The following PRKAG2 variants were observed in gnomAD, a reference collection of about 807,000 sequenced individuals.
PRKAG2 encodes protein kinase AMP-activated non-catalytic subunit gamma 2, also known as 5'-AMP-activated protein kinase subunit gamma-2.
PRKAG2 carries 26 observed loss-of-function variants against 69.6 expected under a neutral mutation model. That is an observed-to-expected ratio of 0.37 (90% CI 0.27 to 0.52). The LOEUF (loss-of-function observed/expected upper bound fraction) is 0.52, where lower values mean the gene tolerates loss of function less well. Ranked by LOEUF, PRKAG2 falls within the 20% of genes least tolerant of loss-of-function variation. The pLI is 0.90. For missense variants in PRKAG2, 557 were observed against 740.0 expected (o/e 0.75, Z 2.87); for synonymous variants, 293 against 285.0 (o/e 1.03, Z -0.28).
intron 3 of PRKAG2, among the ~76,000 whole-genome samples, chr7:151,726,371 G>GACACACGC (rs1797948765): frequency 6.7e-6 from 1 of 148,284 alleles, no homozygotes; most frequent in South Asian, 2.2e-4. Flanking sequence ...AGGGAGGCAG[G>GACACACGC]ACACACACAC....
intron 3 of PRKAG2, among the ~76,000 whole-genome samples, chr7:151,734,865 T>TTG (rs1455166561): frequency 7.6e-5 from 11 of 145,276 alleles, no homozygotes; most frequent in African/African-American, 2.6e-4. Flanking sequence ...TTTTTTTTTT[T>TTG]TTTTTTTGAG....
intron 1 of PRKAG2, among the ~76,000 whole-genome samples, chr7:151,851,342 A>C (rs1180104646): frequency 1.5e-5 from 2 of 137,544 alleles, no homozygotes; most frequent in Non-Finnish European, 3.1e-5. Flanking sequence ...GGCCTCTGGC[A>C]AAAAAAAAAA....
At chr7:151,831,526 G>A (rs953547319) in intron 1 of PRKAG2, among the ~76,000 whole-genome samples, 2 of 152,196 alleles carry the variant, frequency 1.3e-5, no homozygotes, top group Admixed American at 1.3e-4. Context: ...CCAAGAGGTG[G>A]CCCATTAAAG....
intron 1 of PRKAG2, among the ~76,000 whole-genome samples, chr7:151,834,270 G>T (rs2079098997): frequency 6.6e-6 from 1 of 152,216 alleles, no homozygotes; most frequent in African/African-American, 2.4e-5. Context: ...AAGGGAATGA[G>T]AAAGTACACC....
intron 6 of PRKAG2, among the ~76,000 whole-genome samples, chr7:151,590,518 C>A (rs921271504): frequency 1.3e-4 from 20 of 152,210 alleles, no homozygotes; most frequent in Non-Finnish European, 2.8e-4. Flanking sequence ...TCGGGAGTTC[C>A]TCCGAGCCTC....
intron 3 of PRKAG2, among the ~76,000 whole-genome samples, chr7:151,683,402 C>T (rs1453278859): frequency 2.6e-5 from 4 of 152,190 alleles, no homozygotes; most frequent in Non-Finnish European, 5.9e-5. Context: ...ACAAATCCAC[C>T]CCTTGCCTTG....
chr7:151,648,500 G>C (rs1827932220), intron 4 of PRKAG2, among the ~76,000 whole-genome samples: 1 of 152,168 alleles, frequency 6.6e-6, no homozygotes, highest in African/African-American at 2.4e-5. Flanking sequence ...ATTGCTAGGA[G>C]GGGCCGGTGT....
chr7:151,715,448 TG>T (rs1352177867), intron 3 of PRKAG2, among the ~76,000 whole-genome samples: 1 of 151,660 alleles, frequency 6.6e-6, no homozygotes, highest in Admixed American at 6.6e-5. Flanking sequence ...CCAATTCTCC[TG>T]TCTCAGCAAT....
intron 5 of PRKAG2, among the ~76,000 whole-genome samples, chr7:151,627,355 G>A (rs1462084300): frequency 3.9e-5 from 6 of 152,202 alleles, no homozygotes; most frequent in African/African-American, 1.4e-4. Context: ...GCTGGGTGCA[G>A]TGGCTCACAC....
chr7:151,562,382 T>C (rs1180156582), intron 14 of PRKAG2, among the ~76,000 whole-genome samples: 2 of 149,648 alleles, frequency 1.3e-5, no homozygotes, highest in South Asian at 4.2e-4. Context: ...AGGAAGGAGA[T>C]AGGAAGAGGG....
At chr7:151,757,715 C>T (rs2075178537) in intron 3 of PRKAG2, among the ~76,000 whole-genome samples, 1 of 152,230 alleles carries the variant, frequency 6.6e-6, no homozygotes, top group South Asian at 2.1e-4. Flanking sequence ...CAGACGCATT[C>T]TGCTGTTCTC....
At chr7:151,833,013 C>T (rs964227640) in intron 1 of PRKAG2, among the ~76,000 whole-genome samples, 1 of 152,138 alleles carries the variant, frequency 6.6e-6, no homozygotes, top group Non-Finnish European at 1.5e-5. Context: ...GGCACTCACT[C>T]GTTTATGGTG....
At chr7:151,612,042 C>G (rs1304987723) in intron 5 of PRKAG2, among the ~76,000 whole-genome samples, 1 of 152,226 alleles carries the variant, frequency 6.6e-6, no homozygotes, top group Non-Finnish European at 1.5e-5. Flanking sequence ...GAGACTCCGT[C>G]AGCACCAATG....
chr7:151,849,446 A>T (rs922222690), intron 1 of PRKAG2, among the ~76,000 whole-genome samples: 12 of 152,188 alleles, frequency 7.9e-5, no homozygotes, highest in Admixed American at 7.2e-4. Flanking sequence ...GTCTAGATGG[A>T]CAGGAGACCA....
intron 1 of PRKAG2, among the ~76,000 whole-genome samples, chr7:151,818,525 G>C (rs80152245): frequency 2.0e-5 from 3 of 152,262 alleles, no homozygotes; most frequent in Admixed American, 2.0e-4. Flanking sequence ...CAGGCCGGCA[G>C]GGCAGCTTGC....
chr7:151,643,246 G>A lies in PRKAG2; in HGVS notation c.685-11108C>T, dbSNP rs1174018010. On this transcript the variant is annotated intron_variant, in intron 4 of 15. Coordinates refer to ENST00000287878, the MANE Select transcript of PRKAG2 (RefSeq NM_016203.4). ...TAATACATTGCAAATAAAAAAATAA[G>A]TAATGCTCACCAAGTTCATCTAACC... is the stretch of plus-strand genomic sequence containing the variant. Among the ~76,000 whole-genome samples, 13 of 152,172 alleles carry A rather than the reference G, an allele frequency of 8.5e-5. No individual in the cohort carries two copies. In the East Asian group the frequency reaches 2.5e-3, roughly 29 times the overall value.
intron 3 of PRKAG2, among the ~76,000 whole-genome samples, chr7:151,680,813 C>A (rs1189584145): frequency 6.6e-6 from 1 of 152,234 alleles, no homozygotes; most frequent in Non-Finnish European, 1.5e-5. Context: ...GGACCTCTGT[C>A]CTGTCTCCCA....
At chr7:151,734,845 A>AT (rs1799504256) in intron 3 of PRKAG2, among the ~76,000 whole-genome samples, 3 of 122,964 alleles carry the variant, frequency 2.4e-5, no homozygotes, top group African/African-American at 1.0e-4. Context: ...CCTAAATCTG[A>AT]TTCTTTTTTT....
rs1220738396 is a variant in PRKAG2, at chr7:151,556,545, G to T, written c.*656C>A. 6.6e-6 allele frequency: 1 copy of T among 152,582 alleles called. No homozygotes were observed. The highest frequency in any genetic ancestry group is 1.5e-5 in the Non-Finnish European group (1 of 68,108). The allele number at this position is 152,582 out of a possible 1,614,324, so 9.5% of individuals were successfully genotyped here. A position where few individuals can be genotyped will look rare whatever the true frequency, so the allele number is the denominator to read the frequency against. ...CAAAATAACTGAGAGTTTATTCATG[G>T]ATGTGGTGAAGTTTACTCCACCAAA... On this transcript the variant is annotated 3_prime_UTR_variant, in exon 16 of 16. Transcript: ENST00000287878.
Sources: allele counts gnomAD v4.1 joint callset (sites outside exome capture counted in the v4.1 genomes callset), GRCh38; gene constraint gnomAD v4.1.1; transcripts MANE v1.5; gene names NCBI Gene and HGNC (gene_info 2026-07-23, HGNC 2026-07-21).